The following ARCN1 variants were observed in gnomAD, a reference collection of about 807,000 sequenced individuals.
ARCN1 encodes the protein archain 1 coat protein complex I subunit delta.
A neutral mutation model predicts 60.4 loss-of-function variants in ARCN1; 5 were observed. That is an observed-to-expected ratio of 0.08 (90% CI 0.04 to 0.17). The LOEUF is 0.17. Ranked by LOEUF, ARCN1 falls within the 10% of genes least tolerant of loss-of-function variation. The pLI is 1.00. For synonymous variants in ARCN1, 224 were observed against 220.0 expected, an observed-to-expected ratio of 1.02 and a Z score of -0.16; for missense variants, 464 against 626.5, an observed-to-expected ratio of 0.74 and a Z score of 2.77.
intron 9 of ARCN1, among the ~76,000 whole-genome samples, chr11:118,598,894 T>C (rs1004622173): frequency 6.6e-6 from 1 of 151,424 alleles, no homozygotes; most frequent in Non-Finnish European, 1.5e-5. Flanking sequence ...CCTCCCGGGT[T>C]CAAGCAATTC....
At chr11:118,597,580 T>C in intron 8 of ARCN1, 127 bp from the exon 9 acceptor site, 1 of 832,092 alleles carries the variant, frequency 1.2e-6, no homozygotes, top group South Asian at 1.8e-5. Flanking sequence ...TATTAGCCTT[T>C]TTTTCCCCTG....
intron 1 of ARCN1, among the ~76,000 whole-genome samples, chr11:118,579,078 A>G (rs1172499065): frequency 2.0e-5 from 3 of 152,012 alleles, no homozygotes; most frequent in Middle Eastern, 3.4e-3. Context: ...AATAGCTTGT[A>G]AGGTCATTAG....
Position 118,602,423 on chromosome 11 carries a change from T to C in ARCN1, c.*1709T>C, listed in dbSNP as rs1939167981. The C allele has an allele frequency of 3.2e-5, 5 of 153,846 alleles. No individual in the cohort carries two copies. The Admixed American group carries it at 3.3e-4, about 10-fold the overall frequency. 9.5% of individuals were successfully genotyped at this position (153,846 alleles called of 1,614,324 possible). A position where few individuals can be genotyped will look rare whatever the true frequency, so the allele number is the denominator to read the frequency against. ...GCTGCAAGGCTGCAGGCACTGGCAG[T>C]GGGAAGAGGCAGACGACTAGATGAC... On this transcript the variant is annotated 3_prime_UTR_variant, in exon 10 of 10. Transcript: ENST00000264028.
In ARCN1 at chr11:118,590,146, C is replaced by T. The variant is rs149105341; in HGVS notation, c.819-195C>T. On this transcript the variant is annotated intron_variant, in intron 5 of 9. Coordinates refer to ENST00000264028, the MANE Select transcript of ARCN1 (RefSeq NM_001655.5). ...AAGTAGCTGGGACTACAGGCATGCA[C>T]CACCACGCCTGGCTAATTTTGTATT... 6.8e-3 allele frequency among the ~76,000 whole-genome samples: 1,040 copies of T among 152,310 alleles called. 11 individuals are homozygous for T. The highest frequency in any genetic ancestry group is 0.022 in the African/African-American group (931 of 41,564).
chr11:118,591,687 A>G (rs1409899740), intron 6 of ARCN1, among the ~76,000 whole-genome samples: 2 of 150,894 alleles, frequency 1.3e-5, no homozygotes, highest in African/African-American at 4.9e-5. Context: ...CACCATGCCC[A>G]GCCCTTCTGG....
chr11:118,589,373 AGTT>A (rs1555075928), intron 5 of ARCN1, among the ~76,000 whole-genome samples: 2 of 152,106 alleles, frequency 1.3e-5, no homozygotes, highest in African/African-American at 4.8e-5. Flanking sequence ...AAGTTTTTTC[AGTT>A]GTTTGTTTTC....
In ARCN1 at chr11:118,593,260, C is replaced by T. The variant is rs1050795492; in HGVS notation, c.1133-330C>T. ...AACTTTTTTTAAAAGACACAAACTC[C>T]CTCTGTCACCCAGGCTGGAGTGCAG... is the stretch of plus-strand genomic sequence containing the variant. On this transcript the variant is annotated intron_variant, in intron 7 of 9. Coordinates refer to ENST00000264028, the MANE Select transcript of ARCN1 (RefSeq NM_001655.5). Among the ~76,000 whole-genome samples, 6 of 152,150 alleles carry T rather than the reference C, an allele frequency of 3.9e-5. No homozygotes were observed. The East Asian group carries it at 9.7e-4, about 25-fold the overall frequency.
chr11:118,596,902 T>C (rs1364342290), intron 8 of ARCN1, among the ~76,000 whole-genome samples: 1 of 152,164 alleles, frequency 6.6e-6, no homozygotes. Context: ...TTTGAAACAT[T>C]CTGAAATCTT....
In ARCN1 at chr11:118,602,486, C is replaced by G. The variant is rs1469441569; in HGVS notation, c.*1772C>G. On this transcript the variant is annotated 3_prime_UTR_variant, in exon 10 of 10. Transcript: ENST00000264028. Reference sequence around the variant, plus strand: ...AGCTGGTTGAAAAGTACCACTCCCACTCTGAACATCTGGCCGTCCCTGCAA... The same window carrying G: ...AGCTGGTTGAAAAGTACCACTCCCAGTCTGAACATCTGGCCGTCCCTGCAA... 3.3e-5 allele frequency: 5 copies of G among 153,820 alleles called. No individual in the cohort carries two copies. Among genetic ancestry groups the G allele is most frequent in the African/African-American group, 9.6e-5 (4 of 41,464 alleles). The allele number at this position is 153,820 out of a possible 1,614,324, so 9.5% of individuals were successfully genotyped here.
At position 118,600,817 on chromosome 11, in the gene ARCN1, C is replaced by CT; in HGVS notation, c.*109dup. The CT allele has an allele frequency of 1.3e-6, 1 of 772,924 alleles. No homozygotes were observed. The highest frequency in any genetic ancestry group is 2.1e-6 in the Non-Finnish European group (1 of 471,374). 47.9% of individuals were successfully genotyped at this position (772,924 alleles called of 1,614,324 possible). On this transcript the variant is annotated 3_prime_UTR_variant, in exon 10 of 10. Transcript: ENST00000264028. ...CAGATTTACAAGCCACTGGAGACCC[C>CT]TTTTTTCTGATACAATGCACGATTC...
At chr11:118,572,649 G>A in intron 1 of ARCN1, 99 bp downstream of exon 1, 22 of 1,494,968 alleles carry the variant, frequency 1.5e-5, no homozygotes, top group Non-Finnish European at 2.0e-5. Context: ...CCCGCCCTGA[G>A]GGTCTAGGGC....
At chr11:118,591,738 GTT>G (rs543309206) in intron 6 of ARCN1, among the ~76,000 whole-genome samples, 2 of 140,120 alleles carry the variant, frequency 1.4e-5, no homozygotes, top group African/African-American at 2.6e-5. Flanking sequence ...TCTTTTTTTT[GTT>G]TTTTTTTTTG....
intron 2 of ARCN1, 135 bp downstream of exon 2, chr11:118,581,644 C>T: frequency 1.2e-6 from 1 of 814,458 alleles, no homozygotes; most frequent in Admixed American, 2.8e-5. Flanking sequence ...ATTGCTGCAG[C>T]ACCTTGTTTA....
At chr11:118,585,059 C>G (rs1195658625) in intron 5 of ARCN1, among the ~76,000 whole-genome samples, 4 of 152,130 alleles carry the variant, frequency 2.6e-5, no homozygotes, top group African/African-American at 9.7e-5. Context: ...ATCTCCTGAC[C>G]TTGTGATCCG....
chr11:118,591,845 C>T (rs1241226724), intron 6 of ARCN1, among the ~76,000 whole-genome samples: 2 of 151,524 alleles, frequency 1.3e-5, no homozygotes, highest in Non-Finnish European at 2.9e-5. Flanking sequence ...AGCAATGCTT[C>T]CTCTTCAGCC....
At chr11:118,585,725 G>A (rs1262653592) in intron 5 of ARCN1, among the ~76,000 whole-genome samples, 2 of 152,034 alleles carry the variant, frequency 1.3e-5, no homozygotes, top group Admixed American at 6.6e-5. Context: ...TTTTGGTAGA[G>A]ATGGGGTTTT....
At chr11:118,574,132 CAT>C (rs1218044284) in intron 1 of ARCN1, among the ~76,000 whole-genome samples, 1 of 152,074 alleles carries the variant, frequency 6.6e-6, no homozygotes, top group African/African-American at 2.4e-5. Flanking sequence ...GCTATTTTGA[CAT>C]GTGTACGTAT....
chr11:118,581,929 G>GACACACACACACACACACACAC lies in ARCN1; in HGVS notation c.267+423_267+424insCACACACACACACACACACACA, dbSNP rs1179195532. ...AGACTTACTGATCCAGAGACAGACAGACAGACAGACACACACACACACACA... is the reference window on the plus strand; with the variant it reads ...AGACTTACTGATCCAGAGACAGACAGACACACACACACACACACACACACAGACAGACACACACACACACACA... On this transcript the variant is annotated intron_variant, in intron 2 of 9. Coordinates refer to ENST00000264028, the MANE Select transcript of ARCN1 (RefSeq NM_001655.5). Among the ~76,000 whole-genome samples the GACACACACACACACACACACAC allele has an allele frequency of 5.9e-3, 777 of 132,306 alleles. 22 individuals are homozygous for GACACACACACACACACACACAC. The highest frequency in any genetic ancestry group is 0.044 in the East Asian group (139 of 3,162). The allele number at this position is 132,306 out of a possible 152,430, so 86.8% of individuals were successfully genotyped here.
chr11:118,581,229 G>A lies in ARCN1; in HGVS notation c.4-17G>A. 1 of 1,613,382 alleles carries A rather than the reference G, an allele frequency of 6.2e-7. No individual in the cohort carries two copies. Among genetic ancestry groups the A allele is most frequent in the Non-Finnish European group, 8.5e-7 (1 of 1,179,320 alleles). On this transcript the variant is annotated splice_polypyrimidine_tract_variant and intron_variant, in intron 1 of 9. Coordinates refer to ENST00000264028, the MANE Select transcript of ARCN1 (RefSeq NM_001655.5). ...GAAGAAATAATTAGTACTTACTTATGCATATGTTCCTGGCAGGTGCTGTTG... is the reference window on the plus strand; with the variant it reads ...GAAGAAATAATTAGTACTTACTTATACATATGTTCCTGGCAGGTGCTGTTG...
Sources: allele counts gnomAD v4.1 joint callset (sites outside exome capture counted in the v4.1 genomes callset), GRCh38; gene constraint gnomAD v4.1.1; transcripts MANE v1.5; gene names NCBI Gene and HGNC (gene_info 2026-07-23, HGNC 2026-07-21).